Variants in PCDH7 observed in about 807,000 individuals in gnomAD.
PCDH7 encodes the protein protocadherin 7.
A neutral mutation model predicts 58.9 loss-of-function variants in PCDH7; 17 were observed. The ratio of observed to expected loss-of-function variants is 0.29; its 90% CI spans 0.20 to 0.43. PCDH7 has a LOEUF of 0.43. PCDH7 is among the 20% of genes least tolerant of loss of function. PCDH7 has a pLI of 1.00. For synonymous variants in PCDH7, 664 were observed against 616.4 expected (o/e 1.08, Z -1.14); for missense variants, 1,274 against 1,441.0 (o/e 0.88, Z 1.88).
In PCDH7 at chr4:31,097,585, TAC is replaced by T. The variant is rs1346506581; in HGVS notation, c.*8-44886_*8-44885del. Among the ~76,000 whole-genome samples, 50 of 88,216 alleles carry T rather than the reference TAC, an allele frequency of 5.7e-4. 1 individual carries two copies. The South Asian group carries it at 6.6e-3, about 12-fold the overall frequency. The allele number at this position is 88,216 out of a possible 152,430, so 57.9% of individuals were successfully genotyped here. On this transcript the variant is annotated intron_variant, in intron 3 of 3. Transcript: ENST00000509759. Reference sequence around the variant, plus strand: ...AATGTGGCTGTTTTTCCTCCAAATATACATATATATATATATATATATATATA... The same window carrying T: ...AATGTGGCTGTTTTTCCTCCAAATATATATATATATATATATATATATATA...
intron 1 of PCDH7, among the ~76,000 whole-genome samples, chr4:30,912,979 T>C (rs2109406961): frequency 6.6e-6 from 1 of 151,880 alleles, no homozygotes; most frequent in Non-Finnish European, 1.5e-5. Flanking sequence ...CTAATTAATC[T>C]AACCAGGATG....
intron 3 of PCDH7, among the ~76,000 whole-genome samples, chr4:30,966,236 C>T (rs1377401653): frequency 6.6e-6 from 1 of 152,192 alleles, no homozygotes; most frequent in Non-Finnish European, 1.5e-5. Flanking sequence ...AAGAACGACA[C>T]TGTCAGAATT....
At chr4:31,140,938 T>G (rs1348151576) in intron 3 of PCDH7, among the ~76,000 whole-genome samples, 2 of 152,202 alleles carry the variant, frequency 1.3e-5, no homozygotes, top group Non-Finnish European at 2.9e-5. Context: ...AGATTTCCGG[T>G]GTAGAACACT....
chr4:31,145,350 A>G (rs913415023), downstream of PCDH7: 2 of 152,128 alleles, frequency 1.3e-5, no homozygotes, highest in African/African-American at 4.8e-5. Context: ...TAACATGTTT[A>G]TTATATAATG....
chr4:31,014,270 A>G (rs1291235952), intron 3 of PCDH7, among the ~76,000 whole-genome samples: 2 of 152,206 alleles, frequency 1.3e-5, no homozygotes, highest in Admixed American at 6.5e-5. Flanking sequence ...AATGAATTGT[A>G]TATATTTAAT....
chr4:30,729,277 A>G (rs1715124321), intron 1 of PCDH7, among the ~76,000 whole-genome samples: 2 of 152,114 alleles, frequency 1.3e-5, no homozygotes, highest in East Asian at 3.9e-4. Context: ...TTTCAATTGC[A>G]GTAGAAATCT....
chr4:31,055,562 G>T (rs933791304), intron 3 of PCDH7, among the ~76,000 whole-genome samples: 1 of 151,904 alleles, frequency 6.6e-6, no homozygotes, highest in Non-Finnish European at 1.5e-5. Context: ...TAATATAAAG[G>T]CTTTGTTTTT....
In PCDH7 at chr4:30,721,413, G is replaced by T. The variant is rs1199578911; in HGVS notation, c.-10G>T. On this transcript the variant is annotated 5_prime_UTR_variant, in exon 1 of 2. Transcript: ENST00000361762. The surrounding 1 kb of genome is among the most constrained non-coding windows in gnomAD (Gnocchi z 6.7). ...GTTAGAAGGAGCAGTAGCAGCAGCAGCAGGAGAAGATGCTGAGGATGCGGA... is the reference window on the plus strand; with the variant it reads ...GTTAGAAGGAGCAGTAGCAGCAGCATCAGGAGAAGATGCTGAGGATGCGGA... 2 of 1,486,198 alleles carry T rather than the reference G, an allele frequency of 1.3e-6. No individual in the cohort carries two copies. Among genetic ancestry groups the T allele is most frequent in the South Asian group, 1.3e-5 (1 of 74,086 alleles). 92.1% of individuals were successfully genotyped at this position (1,486,198 alleles called of 1,614,324 possible).
chr4:30,846,499 T>A (rs372280614), intron 1 of PCDH7, among the ~76,000 whole-genome samples: 1 of 151,726 alleles, frequency 6.6e-6, no homozygotes, highest in Non-Finnish European at 1.5e-5. Flanking sequence ...TTTTTTTTTT[T>A]AAATAAACTG....
At chr4:31,116,612 C>T (rs2109318043) in intron 3 of PCDH7, among the ~76,000 whole-genome samples, 1 of 152,224 alleles carries the variant, frequency 6.6e-6, no homozygotes, top group East Asian at 1.9e-4. Context: ...AAAAATCTTA[C>T]CTCAGGCTTT....
intron 3 of PCDH7, among the ~76,000 whole-genome samples, chr4:31,082,859 T>G (rs1711713119): frequency 6.6e-6 from 1 of 152,100 alleles, no homozygotes. Context: ...CCCAGCACTT[T>G]GGGAGGCCAA....
chr4:30,896,086 T>C (rs1739359968), intron 1 of PCDH7, among the ~76,000 whole-genome samples: 1 of 152,190 alleles, frequency 6.6e-6, no homozygotes, highest in Non-Finnish European at 1.5e-5. Flanking sequence ...CTTTCTGAAC[T>C]CCATGACATA....
intron 3 of PCDH7, among the ~76,000 whole-genome samples, chr4:31,003,777 G>A (rs1343789086): frequency 2.0e-5 from 3 of 151,728 alleles, no homozygotes; most frequent in South Asian, 2.1e-4. Flanking sequence ...GCGTGGTGGC[G>A]GGCACCTGTA....
chr4:30,961,364 G>A (rs1298959632), intron 3 of PCDH7, among the ~76,000 whole-genome samples: 1 of 149,938 alleles, frequency 6.7e-6, no homozygotes, highest in Non-Finnish European at 1.5e-5. Flanking sequence ...CTAACACAGT[G>A]AAATCCTGTC....
At chr4:30,968,277 GAA>G (rs1560541158) in intron 3 of PCDH7, among the ~76,000 whole-genome samples, 1 of 108,474 alleles carries the variant, frequency 9.2e-6, no homozygotes, top group African/African-American at 3.7e-5. Flanking sequence ...ATTGATCAAA[GAA>G]AAAAATTACT....
At chr4:30,906,408 C>T (rs569119255) in intron 1 of PCDH7, among the ~76,000 whole-genome samples, 2 of 152,050 alleles carry the variant, frequency 1.3e-5, no homozygotes, top group Non-Finnish European at 2.9e-5. Flanking sequence ...AATCCAAGTC[C>T]CCCAAACCCC....
chr4:31,097,630 AT>A (rs1234231921), intron 3 of PCDH7, among the ~76,000 whole-genome samples: 14 of 43,406 alleles, frequency 3.2e-4, no homozygotes, highest in Non-Finnish European at 4.9e-4. Flanking sequence ...ATATATATAT[AT>A]ATATATAAAT....
chr4:31,109,919 G>A (rs1716069956), intron 3 of PCDH7, among the ~76,000 whole-genome samples: 1 of 152,134 alleles, frequency 6.6e-6, no homozygotes, highest in Non-Finnish European at 1.5e-5. Flanking sequence ...CTTCATTGGA[G>A]GCCCTCCTAA....
intron 1 of PCDH7, among the ~76,000 whole-genome samples, chr4:30,858,304 T>C (rs915139131): frequency 9.9e-5 from 15 of 152,200 alleles, no homozygotes; most frequent in Admixed American, 9.2e-4. Context: ...TGTTCTCATT[T>C]GTGTTGAGAC....
Sources: gnomAD v4.1 joint callset for allele counts (sites outside exome capture counted in the v4.1 genomes callset) on GRCh38, gnomAD v4.1.1 for gene constraint, Gnocchi (gnomAD v3.1) non-coding constraint, MANE v1.5 for transcripts, NCBI Gene and HGNC (gene_info 2026-07-23, HGNC 2026-07-21) for gene names.